Variants in PIK3AP1 observed in about 807,000 individuals in gnomAD.
PIK3AP1 encodes the protein phosphoinositide 3-kinase adapter protein 1.
Under a neutral mutation model 88.1 loss-of-function variants are expected in PIK3AP1, and 21 were observed. The observed-to-expected ratio is 0.24, with a 90% CI of 0.17 to 0.34. The LOEUF (loss-of-function observed/expected upper bound fraction) is 0.34, where lower values mean the gene tolerates loss of function less well. Among genes scored for constraint, PIK3AP1 ranks in the 10% least tolerant of loss-of-function variants. The probability of loss-of-function intolerance (pLI) is 1.00; values close to 1 mark genes in which losing one functional copy is unlikely to be tolerated. For missense variants in PIK3AP1, 828 were observed against 1,035.7 expected (o/e 0.80, Z 2.75); for synonymous variants, 398 against 400.0 (o/e 1.00, Z 0.06).
chr10:96,609,639 G>A lies in PIK3AP1; in HGVS notation c.2170+73C>T, dbSNP rs1029476086. 7 of 1,514,746 alleles carry A rather than the reference G, an allele frequency of 4.6e-6. No homozygotes were observed. The Admixed American group carries it at 1.3e-4, about 28-fold the overall frequency. 93.8% of individuals were successfully genotyped at this position (1,514,746 alleles called of 1,614,324 possible). ...AGATCTCCTGGGCTCTTAAGAGGAT[G>A]TTTCCTAAGGTCCAAGGGTGCCAGC... is the stretch of plus-strand genomic sequence containing the variant. On this transcript the variant is annotated intron_variant, in intron 14 of 16. Coordinates refer to ENST00000339364, the MANE Select transcript of PIK3AP1 (RefSeq NM_152309.3).
At chr10:96,673,275 C>T (rs969052050) in intron 2 of PIK3AP1, among the ~76,000 whole-genome samples, 3 of 152,322 alleles carry the variant, frequency 2.0e-5, no homozygotes, top group Non-Finnish European at 2.9e-5. Flanking sequence ...CTGGATTCAG[C>T]GTCTCGGGCT....
In PIK3AP1 at chr10:96,697,089, C is replaced by T. The variant is rs987273903; in HGVS notation, c.430+12478G>A. Reference sequence around the variant, plus strand: ...CCAGTTTCTGTAATCTGGAAATACACACCCTTATTCTCTTACTGATTGTCA... The same window carrying T: ...CCAGTTTCTGTAATCTGGAAATACATACCCTTATTCTCTTACTGATTGTCA... On this transcript the variant is annotated intron_variant, in intron 2 of 16. Coordinates refer to ENST00000339364, the MANE Select transcript of PIK3AP1 (RefSeq NM_152309.3). Among the ~76,000 whole-genome samples the T allele has an allele frequency of 2.0e-5, 3 of 152,206 alleles. No homozygotes were observed. The East Asian group carries it at 5.8e-4, about 29-fold the overall frequency.
At chr10:96,688,175 G>A (rs1473775944) in intron 2 of PIK3AP1, among the ~76,000 whole-genome samples, 13 of 152,074 alleles carry the variant, frequency 8.5e-5, no homozygotes, top group Admixed American at 8.5e-4. Context: ...GATTCGACAG[G>A]CACTTCAGGG....
At position 96,627,206 on chromosome 10, in the gene PIK3AP1, C is replaced by T. The variant is rs113167744; in HGVS notation, c.1472-301G>A. On this transcript the variant is annotated intron_variant, in intron 9 of 16. Transcript: ENST00000339364. ...CATCCCATTAGAACTAGGGAAAGTC[C>T]TAGATGGGACTAACTGTCAAAGCCC... 6.6e-3 allele frequency among the ~76,000 whole-genome samples: 1,008 copies of T among 152,294 alleles called. 16 individuals are homozygous for T. The highest frequency in any genetic ancestry group is 0.023 in the African/African-American group (959 of 41,560).
intron 2 of PIK3AP1, among the ~76,000 whole-genome samples, chr10:96,697,123 G>C (rs542524517): frequency 4.6e-5 from 7 of 152,298 alleles, no homozygotes; most frequent in Non-Finnish European, 7.3e-5. Context: ...CATAAAGATT[G>C]TAGTAACCTA....
rs1172620019 is a variant in PIK3AP1, at chr10:96,651,242, A to G, written c.988+6T>C. The G allele has an allele frequency of 6.2e-7, 1 of 1,614,236 alleles. No individual in the cohort carries two copies. ...TTGGTTTCCTGAGGTTTGACTGTCA[A>G]CTTACTTGTCATCATATCTTCTTCT... On this transcript the variant is annotated splice_donor_region_variant and intron_variant, in intron 6 of 16. Coordinates refer to ENST00000339364, the MANE Select transcript of PIK3AP1 (RefSeq NM_152309.3).
Position 96,609,718 on chromosome 10 carries a change from T to C in PIK3AP1, c.2164A>G (p.Thr722Ala). The C allele has an allele frequency of 6.2e-7, 1 of 1,613,852 alleles. No individual in the cohort carries two copies. The highest frequency in any genetic ancestry group is 8.5e-7 in the Non-Finnish European group (1 of 1,179,882). Residue 722 changes from threonine to alanine, a missense_variant, in exon 14 of 17, where the codon ACA becomes GCA. Physicochemically the swap from Thr to Ala is moderately conservative, Grantham distance 58. This residue lies in a region of PIK3AP1 where 191 missense variants were observed against 208.6 expected (regional missense o/e 0.92). Coordinates refer to ENST00000339364, the MANE Select transcript of PIK3AP1 (RefSeq NM_152309.3). ...CGCACCCCCAGCTGCTCACTTGCTG[T>C]GCTGGAGGTGCTGTCTGTTTTCCAG... ...GDWKTDSTSS[T>A]ASSTSNRSST... is the part of the protein sequence containing the mutation.
intron 2 of PIK3AP1, among the ~76,000 whole-genome samples, chr10:96,674,058 G>C (rs751262775): frequency 6.6e-6 from 1 of 152,176 alleles, no homozygotes; most frequent in African/African-American, 2.4e-5. Flanking sequence ...GCTGGGTGGA[G>C]GTGGGGGTGT....
chr10:96,718,348 C>G (rs76256867), intron 1 of PIK3AP1, among the ~76,000 whole-genome samples: 1,823 of 152,308 alleles, frequency 0.012, 31 homozygotes, highest in African/African-American at 0.04. Context: ...GAAGAACATA[C>G]AGAAGGGTGG....
intron 13 of PIK3AP1, among the ~76,000 whole-genome samples, chr10:96,614,632 A>G (rs1403923827): frequency 3.3e-5 from 5 of 152,192 alleles, no homozygotes; most frequent in African/African-American, 1.2e-4. Flanking sequence ...AACAGACCCT[A>G]GTAGGGAAAG....
chr10:96,691,032 T>C (rs1198530062), intron 2 of PIK3AP1, among the ~76,000 whole-genome samples: 1 of 152,166 alleles, frequency 6.6e-6, no homozygotes, highest in Non-Finnish European at 1.5e-5. Flanking sequence ...TTCCAGTCCT[T>C]GGCTCCAGGT....
chr10:96,655,168 G>A (rs981622864), intron 3 of PIK3AP1, among the ~76,000 whole-genome samples: 3 of 152,202 alleles, frequency 2.0e-5, no homozygotes, highest in East Asian at 1.9e-4. Context: ...GGGATTACAG[G>A]TGTAAGCCAT....
chr10:96,613,277 G>C (rs1181735986), intron 13 of PIK3AP1, among the ~76,000 whole-genome samples: 1 of 151,946 alleles, frequency 6.6e-6, no homozygotes, highest in Non-Finnish European at 1.5e-5. Context: ...GGGATTACAG[G>C]TGTGAGCCAC....
chr10:96,618,435 C>G (rs1843030610), intron 12 of PIK3AP1, among the ~76,000 whole-genome samples: 1 of 152,146 alleles, frequency 6.6e-6, no homozygotes, highest in East Asian at 1.9e-4. Flanking sequence ...CCTGTCCACC[C>G]CTTCTCATTT....
chr10:96,676,971 T>C (rs1843931290), intron 2 of PIK3AP1, among the ~76,000 whole-genome samples: 1 of 151,450 alleles, frequency 6.6e-6, no homozygotes, highest in African/African-American at 2.4e-5. Context: ...AAAGAGGGGG[T>C]CATGCTGGGG....
intron 8 of PIK3AP1, among the ~76,000 whole-genome samples, chr10:96,631,753 C>T (rs912125556): frequency 7.2e-5 from 11 of 151,984 alleles, no homozygotes; most frequent in Non-Finnish European, 1.0e-4. Context: ...CATGGTGGAG[C>T]GCACCTGTAC....
chr10:96,675,754 T>C (rs1843909286), intron 2 of PIK3AP1, among the ~76,000 whole-genome samples: 1 of 152,212 alleles, frequency 6.6e-6, no homozygotes, highest in African/African-American at 2.4e-5. Flanking sequence ...ACACTGTGTC[T>C]GCCACATAGT....
At chr10:96,717,799 G>T (rs1057205501) in intron 1 of PIK3AP1, among the ~76,000 whole-genome samples, 1 of 152,100 alleles carries the variant, frequency 6.6e-6, no homozygotes, top group African/African-American at 2.4e-5. Context: ...ATGCCATCAG[G>T]GGCCTAGAGA....
At position 96,706,060 on chromosome 10, in the gene PIK3AP1, A is replaced by ATT. The variant is rs1256024919; in HGVS notation, c.430+3505_430+3506dup. ...AGGCGCCCGCCACCTCGCCCGACTA[A>ATT]TTTTTTGTATTTTTAGTAGAGACAG... On this transcript the variant is annotated intron_variant, in intron 2 of 16. Transcript: ENST00000339364. Among the ~76,000 whole-genome samples the ATT allele has an allele frequency of 2.0e-5, 3 of 150,824 alleles. No homozygotes were observed. The South Asian group carries it at 6.3e-4, about 32-fold the overall frequency.
Sources: gnomAD v4.1 joint callset for allele counts (sites outside exome capture counted in the v4.1 genomes callset) on GRCh38, gnomAD v4.1.1 for gene constraint, gnomAD v4.1.1 regional missense constraint, MANE v1.5 for transcripts, NCBI Gene and HGNC (gene_info 2026-07-23, HGNC 2026-07-21) for gene names.